ASTN2: variants seen among roughly 807,000 people sequenced by gnomAD.
The protein encoded by ASTN2 is astrotactin 2.
ASTN2 carries 54 observed loss-of-function variants against 139.8 expected under a neutral mutation model. The ratio of observed to expected loss-of-function variants is 0.39; its 90% confidence interval spans 0.31 to 0.48. ASTN2 has a LOEUF of 0.48. ASTN2 is among the 20% of genes least tolerant of loss of function. The pLI, the probability that ASTN2 is intolerant of heterozygous loss-of-function variation, is 0.95. For missense variants in ASTN2, 1,565 were observed against 1,725.1 expected (o/e 0.91, Z 1.64); for synonymous variants, 756 against 719.5 (o/e 1.05, Z -0.81).
chr9:117,001,887 A>T (rs1837203339), intron 7 of ASTN2, among the ~76,000 whole-genome samples: 2 of 152,186 alleles, frequency 1.3e-5, no homozygotes, highest in South Asian at 4.1e-4. Flanking sequence ...AAATCCATGA[A>T]GGTAAGAATA....
intron 7 of ASTN2, among the ~76,000 whole-genome samples, chr9:116,986,170 A>T (rs116287164): frequency 2.4e-4 from 17 of 70,490 alleles, no homozygotes; most frequent in Non-Finnish European, 3.5e-4. Flanking sequence ...GCCCCCCCCC[A>T]CCCCCCTGCA....
At chr9:117,269,446 C>A (rs973770119) in intron 2 of ASTN2, among the ~76,000 whole-genome samples, 9 of 152,164 alleles carry the variant, frequency 5.9e-5, no homozygotes, top group African/African-American at 2.2e-4. Flanking sequence ...GGACACATCA[C>A]CCCACAAAAT....
intron 2 of ASTN2, among the ~76,000 whole-genome samples, chr9:117,289,418 A>G (rs1363475606): frequency 1.3e-5 from 2 of 152,206 alleles, no homozygotes; most frequent in East Asian, 1.9e-4. Flanking sequence ...AAAGTTGAGG[A>G]AAACCTACCA....
At chr9:116,439,382 A>T (rs1847770331) in intron 22 of ASTN2, among the ~76,000 whole-genome samples, 1 of 142,314 alleles carries the variant, frequency 7.0e-6, no homozygotes, top group African/African-American at 2.8e-5. Context: ...TTGTATTTTT[A>T]GTAGAGACGG....
At chr9:116,844,396 C>T (rs554154910) in intron 11 of ASTN2, among the ~76,000 whole-genome samples, 1 of 152,324 alleles carries the variant, frequency 6.6e-6, no homozygotes, top group East Asian at 1.9e-4. Flanking sequence ...GCTTCCTTTT[C>T]TCAGTCCAGC....
chr9:116,707,682 G>GATAAAAGGTTACT (rs1419305167), intron 16 of ASTN2, among the ~76,000 whole-genome samples: 1 of 152,114 alleles, frequency 6.6e-6, no homozygotes, highest in Non-Finnish European at 1.5e-5. Flanking sequence ...AACAAAACAA[G>GATAAAAGGTTACT]ATAAAAGGTT....
rs1354638585 is a variant in ASTN2 at position 116,961,192 on chromosome 9, A to G, written c.1889+14016T>C. ...ATTTCTTCCCCCCACCCAGCCCCCC[A>G]CCATTTTTTATTTTGGTAAAATACA... On this transcript the variant is annotated intron_variant, in intron 10 of 22. Coordinates refer to ENST00000313400, the MANE Select transcript of ASTN2 (RefSeq NM_001365068.1). 3.2e-4 allele frequency among the ~76,000 whole-genome samples: 12 copies of G among 37,188 alleles called. No homozygotes were observed. In the East Asian group the frequency reaches 8.1e-3, roughly 25 times the overall value. 24.4% of individuals were successfully genotyped at this position (37,188 alleles called of 152,430 possible).
At chr9:117,093,210 G>A (rs1828750841) in intron 5 of ASTN2, among the ~76,000 whole-genome samples, 1 of 152,190 alleles carries the variant, frequency 6.6e-6, no homozygotes, top group African/African-American at 2.4e-5. Context: ...TGAGTTGGTA[G>A]CAGATCTGAG....
At chr9:116,572,439 G>T (rs1323310940) in intron 19 of ASTN2, among the ~76,000 whole-genome samples, 1 of 152,174 alleles carries the variant, frequency 6.6e-6, no homozygotes, top group African/African-American at 2.4e-5. Context: ...TTCTTAATAA[G>T]GGACTTTAGG....
At chr9:117,116,794 G>C (rs954630894) in intron 4 of ASTN2, among the ~76,000 whole-genome samples, 7 of 118,644 alleles carry the variant, frequency 5.9e-5, no homozygotes, top group Non-Finnish European at 1.1e-4. Context: ...GTGAGTGTGT[G>C]TGTGTGTTGA....
chr9:117,137,715 T>A (rs1420337052), intron 4 of ASTN2, among the ~76,000 whole-genome samples: 2 of 152,134 alleles, frequency 1.3e-5, no homozygotes, highest in African/African-American at 4.8e-5. Flanking sequence ...CCAAACTTTT[T>A]TTTTTTTAAT....
At chr9:116,897,057 A>G (rs1208977936) in intron 10 of ASTN2, among the ~76,000 whole-genome samples, 1 of 152,164 alleles carries the variant, frequency 6.6e-6, no homozygotes, top group Non-Finnish European at 1.5e-5. Context: ...ATATTTTTCT[A>G]CCAACCTCCT....
chr9:117,067,900 A>T (rs1827999545), intron 5 of ASTN2, among the ~76,000 whole-genome samples: 1 of 121,206 alleles, frequency 8.3e-6, no homozygotes, highest in Non-Finnish European at 1.8e-5. Flanking sequence ...GCTTAAGGAG[A>T]TTTTGGGCTG....
intron 16 of ASTN2, among the ~76,000 whole-genome samples, chr9:116,668,676 T>C (rs562998076): frequency 1.3e-5 from 2 of 152,362 alleles, no homozygotes; most frequent in South Asian, 4.1e-4. Flanking sequence ...AAAGCTGATA[T>C]AAATATCCAT....
chr9:117,197,868 A>G (rs930655625), intron 3 of ASTN2, among the ~76,000 whole-genome samples: 1 of 152,176 alleles, frequency 6.6e-6, no homozygotes, highest in Non-Finnish European at 1.5e-5. Flanking sequence ...TTTTTTTCCT[A>G]TAAGCACTTT....
At chr9:116,535,961 G>A (rs1208626734) in intron 19 of ASTN2, among the ~76,000 whole-genome samples, 1 of 152,106 alleles carries the variant, frequency 6.6e-6, no homozygotes, top group African/African-American at 2.4e-5. Flanking sequence ...TTTCCAACTT[G>A]GTTCCATTCT....
intron 1 of ASTN2, among the ~76,000 whole-genome samples, chr9:117,384,508 G>T (rs939488935): frequency 1.3e-5 from 2 of 152,126 alleles, no homozygotes; most frequent in African/African-American, 4.8e-5. Flanking sequence ...TCCCTTCTGT[G>T]AAAAGAAGTT....
intron 10 of ASTN2, among the ~76,000 whole-genome samples, chr9:116,917,303 T>G (rs766891852): frequency 5.1e-4 from 77 of 152,080 alleles, no homozygotes; most frequent in Non-Finnish European, 9.4e-4. Flanking sequence ...CAAGTATTAA[T>G]AATTGGTGAG....
chr9:117,139,982 C>G (rs1302885870), intron 4 of ASTN2, among the ~76,000 whole-genome samples: 1 of 152,208 alleles, frequency 6.6e-6, no homozygotes, highest in Non-Finnish European at 1.5e-5. Flanking sequence ...CAGGTTCTCC[C>G]TGGCCCCACC....
Sources: allele counts gnomAD v4.1 joint callset (sites outside exome capture counted in the v4.1 genomes callset), GRCh38; gene constraint gnomAD v4.1.1; transcripts MANE v1.5; gene names NCBI Gene and HGNC (gene_info 2026-07-23, HGNC 2026-07-21).